The following CCDC102A variants were observed in gnomAD, a reference collection of about 807,000 sequenced individuals.
CCDC102A encodes coiled-coil domain containing 102A, also known as coiled-coil domain-containing protein 102A.
In CCDC102A, 40 loss-of-function variants were observed where a neutral mutation model predicts 55.5. The observed-to-expected ratio is 0.72, with a 90% confidence interval of 0.56 to 0.94. The LOEUF (loss-of-function observed/expected upper bound fraction) is 0.94. Ranked by LOEUF, CCDC102A falls within the 40% of genes least tolerant of loss-of-function variation. The probability of loss-of-function intolerance (pLI) is 0.00; values close to 1 mark genes in which losing one functional copy is unlikely to be tolerated. For synonymous variants in CCDC102A, 323 were observed against 339.0 expected (o/e 0.95, Z 0.52); for missense variants, 779 against 768.6 (o/e 1.01, Z -0.16).
At chr16:57,533,484 A>C (rs1386128085) in intron 1 of CCDC102A, among the ~76,000 whole-genome samples, 1 of 150,032 alleles carries the variant, frequency 6.7e-6, no homozygotes, top group East Asian at 2.0e-4. Flanking sequence ...ACACATTCAC[A>C]CACACACCCC....
At chr16:57,535,863 A>C (rs2032366165) in intron 1 of CCDC102A, among the ~76,000 whole-genome samples, 1 of 152,072 alleles carries the variant, frequency 6.6e-6, no homozygotes, top group African/African-American at 2.4e-5. Flanking sequence ...CCCCCACAAG[A>C]GCCCTGGGAG....
chr16:57,530,135 T>C (rs548076917), intron 1 of CCDC102A, among the ~76,000 whole-genome samples: 4 of 152,202 alleles, frequency 2.6e-5, no homozygotes, highest in Non-Finnish European at 5.9e-5. Context: ...AAAGGGCTTC[T>C]GAGAGTGCAG....
rs756590236 is a variant in CCDC102A, at chr16:57,518,631, C to T, written c.1032G>A (p.Arg344=). 2.2e-5 allele frequency: 36 copies of T among 1,612,976 alleles called. No individual in the cohort carries two copies. Among genetic ancestry groups the T allele is most frequent in the Non-Finnish European group, 2.9e-5 (34 of 1,179,450 alleles). Reference sequence around the variant, plus strand: ...GTCCCATCCATGGCCTCACCTCGCCCCTCAGCTCGGCCATTTTCCGGTCCA... The same window carrying T: ...GTCCCATCCATGGCCTCACCTCGCCTCTCAGCTCGGCCATTTTCCGGTCCA... ...SSMDRKMAEL[R]GEMERLQAEN... The change falls in exon 5 of 9, where the codon AGG becomes AGA. Residue 344 remains arginine (R), a synonymous_variant. Coordinates refer to ENST00000258214, the MANE Select transcript of CCDC102A (RefSeq NM_033212.4).
At position 57,512,667 on chromosome 16, in the gene CCDC102A, T is replaced by C; in HGVS notation, c.*74A>G. The C allele has an allele frequency of 6.5e-7, 1 of 1,540,786 alleles. No homozygotes were observed. Among genetic ancestry groups the C allele is most frequent in the Non-Finnish European group, 8.8e-7 (1 of 1,142,392 alleles). On this transcript the variant is annotated 3_prime_UTR_variant, in exon 9 of 9. Transcript: ENST00000258214. ...TCCCAGAGTGAGCCTAGGCACTGCA[T>C]CAGTTTGAGTGGCTGGTTAGCCTGG...
chr16:57,512,722 T>C lies in CCDC102A; in HGVS notation c.*19A>G, dbSNP rs778630308. On this transcript the variant is annotated 3_prime_UTR_variant, in exon 9 of 9. Transcript: ENST00000258214. ...TGGGCAGGTATGGGGCGGCCCATCC[T>C]GCCCAGCCACAGGAAGCTCTAGGCC... The C allele has an allele frequency of 6.2e-6, 10 of 1,608,738 alleles. No individual in the cohort carries two copies. Among genetic ancestry groups the C allele is most frequent in the Non-Finnish European group, 8.5e-6 (10 of 1,177,744 alleles).
At chr16:57,527,418 C>CT (rs779320962) in intron 2 of CCDC102A, among the ~76,000 whole-genome samples, 1,047 of 87,468 alleles carry the variant, frequency 0.012, 12 homozygotes, top group Non-Finnish European at 0.015. Context: ...ATTGCTGCTG[C>CT]TTTTTTTTTT....
chr16:57,533,336 C>T (rs996046493), intron 1 of CCDC102A, among the ~76,000 whole-genome samples: 8 of 152,098 alleles, frequency 5.3e-5, no homozygotes, highest in African/African-American at 1.4e-4. Context: ...CCACCCCGCC[C>T]CCAGCACACC....
rs376942690 is a variant in CCDC102A at position 57,518,671 on chromosome 16, C to T, written c.992G>A (p.Gly331Asp). 2.5e-6 allele frequency: 4 copies of T among 1,613,888 alleles called. No individual in the cohort carries two copies. The African/African-American group carries it at 4.0e-5, about 16-fold the overall frequency. ...TTTCCGGTCCATGCTGGAGCGTGCA[C>T]CGAGCTCATCTTCCAGGTCCTCAGA... ...RMSEDLEDEL[G>D]ARSSMDRKMA... The change falls in exon 5 of 9, where the codon GGT (glycine) becomes GAT (aspartate). Residue 331 changes from glycine (G) to aspartate (D), a missense_variant. Physicochemically the swap from Gly to Asp is moderately conservative, Grantham distance 94. Transcript: ENST00000258214.
chr16:57,523,499 C>G (rs75125335), intron 3 of CCDC102A, among the ~76,000 whole-genome samples: 1 of 150,608 alleles, frequency 6.6e-6, no homozygotes, highest in African/African-American at 2.4e-5. Flanking sequence ...TTTGAGACAG[C>G]GTCTCTCTCT....
intron 2 of CCDC102A, among the ~76,000 whole-genome samples, chr16:57,527,401 G>GCACA (rs2032155106): frequency 1.3e-5 from 2 of 150,534 alleles, no homozygotes; most frequent in South Asian, 2.1e-4. Flanking sequence ...GTCACCGGCT[G>GCACA]GCAGACATTG....
upstream of CCDC102A, chr16:57,536,735 C>T (rs1311740205): frequency 1.3e-5 from 2 of 152,156 alleles, no homozygotes; most frequent in Non-Finnish European, 2.9e-5. Flanking sequence ...AGCCTAACTT[C>T]GGGGCGAGGG....
rs752647327 is a variant in CCDC102A at position 57,512,865 on chromosome 16, C to T, written c.1529G>A (p.Arg510His). ...GAGGGGAGCGTTCTGCTGCTGCCTGCGGAGCCTGTGGGGTGGGGGTGACAG... is the reference window on the plus strand; with the variant it reads ...GAGGGGAGCGTTCTGCTGCTGCCTGTGGAGCCTGTGGGGTGGGGGTGACAG... Reference protein sequence around the residue: ...VQLEHLQSRLRRQQQNAPLFG... With the variant: ...VQLEHLQSRLHRQQQNAPLFG... The change falls in exon 9 of 9, where the codon CGC becomes CAC. Residue 510 changes from arginine to histidine, a missense_variant. Coordinates refer to ENST00000258214, the MANE Select transcript of CCDC102A (RefSeq NM_033212.4). The T allele has an allele frequency of 4.1e-5, 66 of 1,613,124 alleles. No homozygotes were observed. The East Asian group carries it at 6.5e-4, about 16-fold the overall frequency.
At chr16:57,536,778 G>C (rs946345679), upstream of CCDC102A, among the ~76,000 whole-genome samples, 2 of 152,106 alleles carry the variant, frequency 1.3e-5, no homozygotes, top group Non-Finnish European at 2.9e-5. Flanking sequence ...CTGCTGCAGA[G>C]CGGGCCGTAC....
At position 57,535,571 on chromosome 16, in the gene CCDC102A, C is replaced by T. The variant is rs556689053; in HGVS notation, c.-148+929G>A. 2.8e-4 allele frequency among the ~76,000 whole-genome samples: 42 copies of T among 152,212 alleles called. No individual in the cohort carries two copies. In the East Asian group the frequency reaches 7.2e-3, roughly 26 times the overall value. ...ACGATGGGGTCTGCAGGCACCAGGC[C>T]AAGTGGATACGCACAGCTGGAATGG... On this transcript the variant is annotated intron_variant, in intron 1 of 8. Coordinates refer to ENST00000258214, the MANE Select transcript of CCDC102A (RefSeq NM_033212.4).
chr16:57,518,349 C>A, intron 5 of CCDC102A, 72 bp from the exon 6 acceptor site: 1 of 1,440,470 alleles, frequency 6.9e-7, no homozygotes, highest in South Asian at 1.2e-5. Context: ...GATGCCCCCG[C>A]CACCTCCTGG....
intron 7 of CCDC102A, among the ~76,000 whole-genome samples, chr16:57,515,747 G>C (rs1240829048): frequency 6.6e-6 from 1 of 151,210 alleles, no homozygotes; most frequent in Non-Finnish European, 1.5e-5. Context: ...CGTCCAGGGA[G>C]ATATTCATCT....
At chr16:57,523,381 T>A (rs1345771017) in intron 3 of CCDC102A, among the ~76,000 whole-genome samples, 1 of 152,144 alleles carries the variant, frequency 6.6e-6, no homozygotes, top group Non-Finnish European at 1.5e-5. Context: ...GGCAGTTTGC[T>A]GGCCATCTTT....
intron 4 of CCDC102A, among the ~76,000 whole-genome samples, chr16:57,520,598 AAAATAAAAT>A (rs1567602907): frequency 2.1e-5 from 2 of 96,222 alleles, no homozygotes; most frequent in African/African-American, 4.9e-5. Flanking sequence ...TAACATAAAT[AAAATAAAAT>A]AAATAAAATA....
Position 57,516,553 on chromosome 16 carries a change from C to T in CCDC102A, c.1249-90G>A. On this transcript the variant is annotated intron_variant, in intron 6 of 8. Transcript: ENST00000258214. The surrounding 1 kb of genome is among the most constrained non-coding windows in gnomAD (Gnocchi z 4.4). Reference sequence around the variant, plus strand: ...GGGAGTCCCACGAGGTCAGGCAGTTCTAGGGATGCTGGGTGTCTCTCCTTC... The same window carrying T: ...GGGAGTCCCACGAGGTCAGGCAGTTTTAGGGATGCTGGGTGTCTCTCCTTC... The T allele has an allele frequency of 9.7e-7, 1 of 1,027,338 alleles. No homozygotes were observed. The highest frequency in any genetic ancestry group is 1.5e-6 in the Non-Finnish European group (1 of 683,796). 63.6% of individuals were successfully genotyped at this position (1,027,338 alleles called of 1,614,324 possible).
Sources: gnomAD v4.1 joint callset for allele counts (sites outside exome capture counted in the v4.1 genomes callset) on GRCh38, gnomAD v4.1.1 for gene constraint, Gnocchi (gnomAD v3.1) non-coding constraint, MANE v1.5 for transcripts, NCBI Gene and HGNC (gene_info 2026-07-23, HGNC 2026-07-21) for gene names.